KCTD8: variants seen among roughly 807,000 people sequenced by gnomAD.
KCTD8 encodes BTB/POZ domain-containing protein KCTD8.
In KCTD8, 27 loss-of-function variants were observed where a neutral mutation model predicts 31.5. That is an observed-to-expected ratio of 0.86 (90% confidence interval 0.63 to 1.18). The LOEUF (loss-of-function observed/expected upper bound fraction) is 1.18, where lower values mean the gene tolerates loss of function less well. Among genes scored for constraint, KCTD8 ranks in the 50% most tolerant of loss-of-function variants. The pLI, the probability that KCTD8 is intolerant of heterozygous loss-of-function variation, is 0.00. For missense variants in KCTD8, 658 were observed against 647.7 expected, an observed-to-expected ratio of 1.02 and a Z score of -0.17; for synonymous variants, 290 against 280.0, an observed-to-expected ratio of 1.04 and a Z score of -0.36.
At chr4:44,252,028 C>G (rs185393625) in intron 1 of KCTD8, among the ~76,000 whole-genome samples, 111 of 151,812 alleles carry the variant, frequency 7.3e-4, no homozygotes, top group African/African-American at 2.5e-3. Context: ...ACCCTTTCCT[C>G]CAATCCCAAA....
At chr4:44,246,469 A>T (rs1486747868) in intron 1 of KCTD8, among the ~76,000 whole-genome samples, 11 of 151,910 alleles carry the variant, frequency 7.2e-5, no homozygotes, top group Admixed American at 7.2e-4. Flanking sequence ...TTTCTCCTAA[A>T]TTTTTACCTA....
intron 1 of KCTD8, among the ~76,000 whole-genome samples, chr4:44,255,611 T>C (rs1201935876): frequency 6.6e-6 from 1 of 151,856 alleles, no homozygotes; most frequent in Non-Finnish European, 1.5e-5. Flanking sequence ...TCTCACTGTT[T>C]AGAGCTCTTT....
At chr4:44,183,636 C>T (rs1179112063) in intron 1 of KCTD8, among the ~76,000 whole-genome samples, 1 of 152,052 alleles carries the variant, frequency 6.6e-6, no homozygotes, top group Admixed American at 6.5e-5. Context: ...TTTAAAAAGG[C>T]TGCATGATTT....
intron 1 of KCTD8, among the ~76,000 whole-genome samples, chr4:44,357,574 C>A (rs969675318): frequency 1.2e-4 from 19 of 152,088 alleles, no homozygotes; most frequent in African/African-American, 1.7e-4. Flanking sequence ...AAAGCCAATT[C>A]TCTAACAAAA....
At chr4:44,175,540 G>T in intron 1 of KCTD8, among the ~76,000 whole-genome samples, 1 of 152,080 alleles carries the variant, frequency 6.6e-6, no homozygotes, top group East Asian at 1.9e-4. Context: ...ATATTGAAAA[G>T]AAGATTTTTG....
intron 1 of KCTD8, among the ~76,000 whole-genome samples, chr4:44,292,147 C>T (rs537920678): frequency 5.9e-5 from 9 of 152,074 alleles, no homozygotes; most frequent in Non-Finnish European, 1.0e-4. Context: ...GAAAATGAAT[C>T]ATTCTACCCA....
intron 1 of KCTD8, among the ~76,000 whole-genome samples, chr4:44,330,276 T>C (rs1435326754): frequency 6.6e-6 from 1 of 151,938 alleles, no homozygotes; most frequent in Non-Finnish European, 1.5e-5. Context: ...AAATTATACC[T>C]GCATTGACTA....
At chr4:44,229,191 G>A (rs1226746945) in intron 1 of KCTD8, among the ~76,000 whole-genome samples, 1 of 152,250 alleles carries the variant, frequency 6.6e-6, no homozygotes, top group South Asian at 2.1e-4. Context: ...GCATGAGTGA[G>A]GCAGGAGAGG....
chr4:44,292,574 A>C (rs1355935372), intron 1 of KCTD8, among the ~76,000 whole-genome samples: 3 of 152,150 alleles, frequency 2.0e-5, no homozygotes, highest in African/African-American at 4.8e-5. Context: ...TCAGCATCAC[A>C]CTATGTACCC....
intron 1 of KCTD8, among the ~76,000 whole-genome samples, chr4:44,269,793 C>T (rs1716522760): frequency 6.6e-6 from 1 of 152,060 alleles, no homozygotes; most frequent in South Asian, 2.1e-4. Flanking sequence ...TGAAAAAATG[C>T]TCACCATCAC....
chr4:44,304,587 C>T (rs1717744750), intron 1 of KCTD8, among the ~76,000 whole-genome samples: 2 of 152,040 alleles, frequency 1.3e-5, no homozygotes, highest in African/African-American at 2.4e-5. Context: ...TTTTGTTGTA[C>T]TGTATTAAGT....
intron 1 of KCTD8, among the ~76,000 whole-genome samples, chr4:44,386,707 A>C (rs140089493): frequency 6.6e-6 from 1 of 151,776 alleles, no homozygotes; most frequent in Non-Finnish European, 1.5e-5. Flanking sequence ...AAAAAAACTA[A>C]AAATTGAGCT....
intron 1 of KCTD8, among the ~76,000 whole-genome samples, chr4:44,387,952 C>A (rs1427809825): frequency 6.6e-6 from 1 of 150,500 alleles, no homozygotes; most frequent in African/African-American, 2.4e-5. Flanking sequence ...AGAAAATTTT[C>A]GCAAACTATG....
intron 1 of KCTD8, among the ~76,000 whole-genome samples, chr4:44,437,622 T>G (rs191925452): frequency 6.6e-6 from 1 of 152,182 alleles, no homozygotes; most frequent in African/African-American, 2.4e-5. Context: ...AGCAATATAC[T>G]CAACACATTT....
At chr4:44,226,704 T>G (rs1216452043) in intron 1 of KCTD8, among the ~76,000 whole-genome samples, 1 of 152,186 alleles carries the variant, frequency 6.6e-6, no homozygotes, top group Non-Finnish European at 1.5e-5. Flanking sequence ...CAAAATCCCT[T>G]GTTTCCTGAC....
chr4:44,447,416 G>C, intron 1 of KCTD8, 147 bp downstream of exon 1: 1 of 1,270,246 alleles, frequency 7.9e-7, no homozygotes, highest in Non-Finnish European at 1.0e-6. Context: ...TACTGCATAA[G>C]GGAATCGTGC....
chr4:44,441,248 A>T (rs1721803121), intron 1 of KCTD8, among the ~76,000 whole-genome samples: 1 of 151,836 alleles, frequency 6.6e-6, no homozygotes, highest in East Asian at 1.9e-4. Flanking sequence ...TAAAAAAAAA[A>T]TACACTTTAA....
intron 1 of KCTD8, among the ~76,000 whole-genome samples, chr4:44,307,918 C>A (rs1717849042): frequency 6.6e-6 from 1 of 151,856 alleles, no homozygotes; most frequent in South Asian, 2.1e-4. Context: ...TTTAAAGAGA[C>A]CTAGATACAA....
In KCTD8 at chr4:44,380,053, A is replaced by ATATG. The variant is rs1720020077; in HGVS notation, c.961+67509_961+67510insCATA. On this transcript the variant is annotated intron_variant, in intron 1 of 1. Transcript: ENST00000360029. ...AGCTTATACAGATATACATACTGAC[A>ATATG]TAGCCATAGATATAGATGTGTTTTT... Among the ~76,000 whole-genome samples, 4 of 152,210 alleles carry ATATG rather than the reference A, an allele frequency of 2.6e-5. No individual in the cohort carries two copies. In the East Asian group the frequency reaches 7.7e-4, roughly 29 times the overall value.
Sources: gnomAD v4.1 joint callset for allele counts (sites outside exome capture counted in the v4.1 genomes callset) on GRCh38, gnomAD v4.1.1 for gene constraint, MANE v1.5 for transcripts, NCBI Gene and HGNC (gene_info 2026-07-23, HGNC 2026-07-21) for gene names.